Variants in SI observed in about 807,000 individuals in gnomAD.
SI encodes sucrase-isomaltase.
A neutral mutation model predicts 253.3 loss-of-function variants in SI; 235 were observed. The ratio of observed to expected loss-of-function variants is 0.93; its 90% CI spans 0.83 to 1.03. The LOEUF is 1.03. SI is among the 50% of genes least tolerant of loss of function. The probability of loss-of-function intolerance (pLI) is 0.00; values close to 1 mark genes in which losing one functional copy is unlikely to be tolerated. For synonymous variants in SI, 819 were observed against 712.0 expected, an observed-to-expected ratio of 1.15 and a Z score of -2.39; for missense variants, 2,442 against 2,211.1, an observed-to-expected ratio of 1.10 and a Z score of -2.09.
intron 25 of SI, among the ~76,000 whole-genome samples, chr3:165,025,836 G>A (rs1267265916): frequency 6.6e-6 from 1 of 151,270 alleles, no homozygotes; most frequent in Admixed American, 6.6e-5. Flanking sequence ...ACTGCTAAAA[G>A]GAGCTCTAAA....
At chr3:165,085,792 T>C in the SI span, among the ~76,000 whole-genome samples, 1 of 152,196 alleles carries the variant, frequency 6.6e-6, no homozygotes, top group Non-Finnish European at 1.5e-5. Context: ...AGACATTTTA[T>C]GTTGTTAAAA....
intron 33 of SI, 102 bp from the exon 34 acceptor site, chr3:165,013,144 C>T: frequency 6.3e-6 from 5 of 798,126 alleles, no homozygotes; most frequent in Non-Finnish European, 9.1e-6. Context: ...TTATTATTAA[C>T]TCAAAGTCTT....
At chr3:165,027,299 A>G (rs1711981100) in intron 25 of SI, among the ~76,000 whole-genome samples, 1 of 151,244 alleles carries the variant, frequency 6.6e-6, no homozygotes, top group Admixed American at 6.6e-5. Context: ...AAGAAGTGAG[A>G]TTAAAATGGT....
At chr3:165,032,339 G>T (rs1317537145) in intron 24 of SI, among the ~76,000 whole-genome samples, 183 bp downstream of exon 24, 1 of 151,054 alleles carries the variant, frequency 6.6e-6, no homozygotes, top group Non-Finnish European at 1.5e-5. Flanking sequence ...ATACAAATTG[G>T]ATTGACATAA....
chr3:165,014,778 A>G lies in SI; in HGVS notation c.3999+345T>C, dbSNP rs545771964. Among the ~76,000 whole-genome samples the G allele has an allele frequency of 9.3e-4, 141 of 151,368 alleles. 1 individual carries two copies. The highest frequency in any genetic ancestry group is 2.8e-3 in the African/African-American group (112 of 40,688). On this transcript the variant is annotated intron_variant, in intron 33 of 47. Coordinates refer to ENST00000264382, the MANE Select transcript of SI (RefSeq NM_001041.4). The stretch of plus-strand genomic sequence containing the variant: ...AAAACATGTTGTTGCTACTATTAAC[A>G]TATGTTTTCAAGAGAAGTGAACATT...
chr3:165,021,765 C>G (rs961035066), intron 26 of SI, among the ~76,000 whole-genome samples: 3 of 151,384 alleles, frequency 2.0e-5, no homozygotes, highest in Non-Finnish European at 4.4e-5. Context: ...AACCCTAATG[C>G]TAATTTATGT....
chr3:165,089,619 A>G, the SI span, among the ~76,000 whole-genome samples: 1 of 152,164 alleles, frequency 6.6e-6, no homozygotes, highest in Non-Finnish European at 1.5e-5. Flanking sequence ...TTAGCATTTT[A>G]AACAACTACT....
chr3:164,980,436 A>G (rs531150466), intron 47 of SI, among the ~76,000 whole-genome samples: 1 of 152,082 alleles, frequency 6.6e-6, no homozygotes, highest in Non-Finnish European at 1.5e-5. Context: ...TTGAAATTAT[A>G]TTGCTAGAGC....
rs774064699 is a variant in SI, at chr3:165,069,206, A to G, written c.256-11T>C. ...CTGTGCACAAATTCCCTGATAAAAT[A>G]TTTTTAAAGGAATTATATAATTACT... On this transcript the variant is annotated splice_polypyrimidine_tract_variant and intron_variant, in intron 3 of 47. Transcript: ENST00000264382. 6 of 1,532,810 alleles carry G rather than the reference A, an allele frequency of 3.9e-6. No individual in the cohort carries two copies. Among genetic ancestry groups the G allele is most frequent in the Non-Finnish European group, 1.8e-6 (2 of 1,106,472 alleles). The allele number at this position is 1,532,810 out of a possible 1,614,324, so 95.0% of individuals were successfully genotyped here.
intron 3 of SI, 109 bp from the exon 4 acceptor site, chr3:165,069,304 G>A: frequency 1.3e-6 from 1 of 776,316 alleles, no homozygotes; most frequent in South Asian, 1.6e-5. Context: ...TTTTTCAAAT[G>A]TATAATATGC....
intron 25 of SI, among the ~76,000 whole-genome samples, chr3:165,026,250 A>G (rs180671550): frequency 8.1e-4 from 123 of 151,630 alleles, no homozygotes; most frequent in African/African-American, 2.8e-3. Flanking sequence ...ACATTATAAA[A>G]TGATAAAAGG....
chr3:164,994,376 AG>A lies in SI; in HGVS notation c.4721del (p.Thr1574IlefsTer10). The A allele has an allele frequency of 6.2e-7, 1 of 1,611,160 alleles. No individual in the cohort carries two copies. Among genetic ancestry groups the A allele is most frequent in the South Asian group, 1.1e-5 (1 of 91,030 alleles). On this transcript the variant is annotated frameshift_variant, in exon 41 of 48. Coordinates refer to ENST00000264382, the MANE Select transcript of SI (RefSeq NM_001041.4). LOFTEE classifies it high-confidence loss of function. ...RRQDPASWNE[T>X]FAEMSRNILN... ...GAATATTCCTTGACATTTCAGCAAA[AG>A]TTTCATTCCAGGAAGCGGGATCTTG...
chr3:165,070,036 G>T (rs1714456096), intron 3 of SI, among the ~76,000 whole-genome samples: 1 of 146,706 alleles, frequency 6.8e-6, no homozygotes, highest in African/African-American at 2.5e-5. Flanking sequence ...AAATTAAAAT[G>T]GTATCAGATA....
Position 165,019,755 on chromosome 3 carries a change from C to T in SI, c.3270G>A (p.Leu1090=), listed in dbSNP as rs1719218922. ...ACTGGTCATTAAAAGCAAATCCAGG[C>T]AGCCAAGAATCCCAACTGAAAACAA... ...SSGRVIWDSW[L]PGFAFNDQFI... is the part of the protein sequence containing the mutation. Residue 1090 remains leucine, a synonymous_variant, in exon 28 of 48, where the codon CTG becomes CTA. Transcript: ENST00000264382. The T allele has an allele frequency of 1.9e-6, 3 of 1,612,380 alleles. No homozygotes were observed. The highest frequency in any genetic ancestry group is 2.2e-5 in the East Asian group (1 of 44,792).
chr3:165,080,758 G>A (rs1201357274), upstream of SI, among the ~76,000 whole-genome samples: 1 of 151,952 alleles, frequency 6.6e-6, no homozygotes, highest in African/African-American at 2.4e-5. Context: ...GTCATGAGGT[G>A]GAGGAAGGGG....
chr3:165,072,107 T>G lies in SI; in HGVS notation c.255+2424A>C, dbSNP rs749336581. On this transcript the variant is annotated intron_variant, in intron 3 of 47. Coordinates refer to ENST00000264382, the MANE Select transcript of SI (RefSeq NM_001041.4). ...GTTTAATATAACCAATTTTCCAATT[T>G]TAACAATCATGATCTATCCTCATGT... Among the ~76,000 whole-genome samples, 32 of 152,108 alleles carry G rather than the reference T, an allele frequency of 2.1e-4. No homozygotes were observed. The highest frequency in any genetic ancestry group is 4.1e-4 in the Non-Finnish European group (28 of 68,018).
chr3:164,994,045 T>G (rs932532108), intron 41 of SI, among the ~76,000 whole-genome samples: 1 of 151,896 alleles, frequency 6.6e-6, no homozygotes, highest in African/African-American at 2.4e-5. Flanking sequence ...TTTTAATAAC[T>G]AATTAATGTG....
chr3:165,059,369 T>A, intron 10 of SI, 70 bp from the exon 11 acceptor site: 1 of 1,415,310 alleles, frequency 7.1e-7, no homozygotes, highest in South Asian at 1.2e-5. Context: ...AATCTTTAAC[T>A]CCATTGAACG....
At chr3:164,994,201 G>A (rs1717907079) in intron 41 of SI, 56 bp downstream of exon 41, 1 of 1,495,038 alleles carries the variant, frequency 6.7e-7, no homozygotes, top group Non-Finnish European at 9.3e-7. Flanking sequence ...AGATCATTGG[G>A]TAAATTAAGT....
Sources: allele counts gnomAD v4.1 joint callset (sites outside exome capture counted in the v4.1 genomes callset), GRCh38; gene constraint gnomAD v4.1.1; transcripts MANE v1.5; gene names NCBI Gene and HGNC (gene_info 2026-07-23, HGNC 2026-07-21).